Variants in SEPTIN11 observed in about 807,000 individuals in gnomAD.
SEPTIN11 encodes septin 11.
In SEPTIN11, 25 loss-of-function variants were observed where a neutral mutation model predicts 51.4. That is an observed-to-expected ratio of 0.49 (90% CI 0.35 to 0.68). The LOEUF (loss-of-function observed/expected upper bound fraction) is 0.68. Among genes scored for constraint, SEPTIN11 ranks in the 30% least tolerant of loss-of-function variants. The pLI is 0.00. For missense variants in SEPTIN11, 381 were observed against 520.8 expected, an observed-to-expected ratio of 0.73 and a Z score of 2.61; for synonymous variants, 174 against 184.1, an observed-to-expected ratio of 0.95 and a Z score of 0.44.
chr4:76,978,654 A>T (rs1012141023), intron 1 of SEPTIN11, among the ~76,000 whole-genome samples: 3 of 152,214 alleles, frequency 2.0e-5, no homozygotes, highest in Admixed American at 2.0e-4. Flanking sequence ...CACACCTCAG[A>T]GGCGATTGTG....
intron 1 of SEPTIN11, among the ~76,000 whole-genome samples, chr4:76,959,663 T>A (rs1015646638): frequency 6.6e-6 from 1 of 152,114 alleles, no homozygotes; most frequent in African/African-American, 2.4e-5. Context: ...ATACATGAAC[T>A]ATGAACTTAG....
rs182815089 is a variant in SEPTIN11 at position 77,003,175 on chromosome 4, A to G, written c.143-2426A>G. On this transcript the variant is annotated intron_variant, in intron 2 of 9. Transcript: ENST00000264893. The stretch of plus-strand genomic sequence containing the variant: ...ATCTCATTCAAATACCCAAAGAGAA[A>G]AACTGTGATTAGATAGACCACTCTC... Among the ~76,000 whole-genome samples, 1,075 of 152,292 alleles carry G rather than the reference A, an allele frequency of 7.1e-3. 16 individuals are homozygous for G. The highest frequency in any genetic ancestry group is 0.024 in the African/African-American group (994 of 41,550).
chr4:77,028,565 G>A lies in SEPTIN11; in HGVS notation c.954-64G>A, dbSNP rs189964477. The A allele has an allele frequency of 2.1e-3, 3,071 of 1,468,958 alleles. 50 individuals carry two copies. The African/African-American group carries it at 0.036, about 17-fold the overall frequency. The allele number at this position is 1,468,958 out of a possible 1,614,324, so 91.0% of individuals were successfully genotyped here. ...TTGAAAGTAGATAGGTAGAAATTAT[G>A]TGAACTGAAATTTCTTAGTATACAA... On this transcript the variant is annotated intron_variant, in intron 7 of 9. Coordinates refer to ENST00000264893, the MANE Select transcript of SEPTIN11 (RefSeq NM_018243.4).
intron 1 of SEPTIN11, among the ~76,000 whole-genome samples, chr4:76,954,191 C>T (rs571504261): frequency 1.3e-5 from 2 of 152,300 alleles, no homozygotes; most frequent in South Asian, 4.1e-4. Context: ...ATGATGATGT[C>T]ACACTGATCA....
At position 77,028,635 on chromosome 4, in the gene SEPTIN11, G is replaced by A. The variant is rs1380630799; in HGVS notation, c.960G>A (p.Gln320=). The change falls in exon 8 of 10, where the codon CAG becomes CAA. Residue 320 remains glutamine (Q), a synonymous_variant. Coordinates refer to ENST00000264893, the MANE Select transcript of SEPTIN11 (RefSeq NM_018243.4). ...TDPDSKPFSL[Q]ETYEAKRNEF... ...GTTTGTGGATTTTCAATAGTCTTCAGGAGACATATGAAGCAAAAAGGAATG... is the reference window on the plus strand; with the variant it reads ...GTTTGTGGATTTTCAATAGTCTTCAAGAGACATATGAAGCAAAAAGGAATG... The A allele has an allele frequency of 6.2e-7, 1 of 1,610,162 alleles. No individual in the cohort carries two copies. Among genetic ancestry groups the A allele is most frequent in the South Asian group, 1.1e-5 (1 of 90,072 alleles).
intron 1 of SEPTIN11, among the ~76,000 whole-genome samples, chr4:76,994,900 CTTTTTTTTTT>C (rs55728971): frequency 1.5e-4 from 8 of 54,856 alleles, no homozygotes; most frequent in Non-Finnish European, 2.3e-4. Context: ...CTGTACAAAG[CTTTTTTTTTT>C]TTTTTTTTTT....
intron 1 of SEPTIN11, among the ~76,000 whole-genome samples, chr4:76,957,406 CCGGTTCTAGAGTAT>C (rs1721609275): frequency 6.6e-6 from 1 of 151,990 alleles, no homozygotes; most frequent in African/African-American, 2.4e-5. Context: ...CCAGGTTGCT[CCGGTTCTAGAGTAT>C]CGGTTTTACC....
intron 1 of SEPTIN11, among the ~76,000 whole-genome samples, chr4:76,959,797 G>C (rs1239023795): frequency 6.6e-6 from 1 of 152,146 alleles, no homozygotes; most frequent in Non-Finnish European, 1.5e-5. Flanking sequence ...CAGTTTTAAG[G>C]ATGGGGATTA....
In SEPTIN11 at chr4:77,035,619, C is replaced by A; in HGVS notation, c.*1107C>A. The A allele has an allele frequency of 1.0e-6, 1 of 985,480 alleles. No individual in the cohort carries two copies. The highest frequency in any genetic ancestry group is 4.7e-5 in the South Asian group (1 of 21,280). The allele number at this position is 985,480 out of a possible 1,614,324, so 61.0% of individuals were successfully genotyped here. A position where few individuals can be genotyped will look rare whatever the true frequency, so the allele number is the denominator to read the frequency against. ...TTCATATCCAGCTTCCTTGCTTAGT[C>A]TCCTTTCAGTATTTGGCAATAAAAG... On this transcript the variant is annotated 3_prime_UTR_variant, in exon 10 of 10. Transcript: ENST00000264893.
intron 2 of SEPTIN11, among the ~76,000 whole-genome samples, chr4:77,002,897 CTG>C (rs1441449283): frequency 1.3e-5 from 2 of 152,118 alleles, no homozygotes; most frequent in Non-Finnish European, 2.9e-5. Flanking sequence ...GTGTCAGTGT[CTG>C]TTTTTATTCA....
chr4:77,016,599 C>CATATATATATATACACACAT (rs1560735975), intron 5 of SEPTIN11, among the ~76,000 whole-genome samples: 1 of 62,454 alleles, frequency 1.6e-5, no homozygotes, highest in Non-Finnish European at 3.4e-5. Context: ...TATACACACA[C>CATATATATATATACACACAT]ATATATATAT....
At chr4:77,017,427 G>A (rs562879268) in intron 5 of SEPTIN11, among the ~76,000 whole-genome samples, 5 of 152,308 alleles carry the variant, frequency 3.3e-5, no homozygotes, top group Admixed American at 2.0e-4. Context: ...TTACATTTGA[G>A]TGGAGAAATT....
chr4:77,028,864 T>G (rs948442787), intron 8 of SEPTIN11, 103 bp downstream of exon 8: 38 of 1,282,282 alleles, frequency 3.0e-5, no homozygotes, highest in Middle Eastern at 2.0e-4. Context: ...ACTTTCTACA[T>G]GCATTTTGTC....
downstream of SEPTIN11, chr4:77,039,302 C>T (rs1727237991): frequency 2.7e-6 from 3 of 1,095,460 alleles, no homozygotes; most frequent in Middle Eastern, 4.3e-4. Context: ...CAAAAATAGT[C>T]ATATTCAATA....
rs1449148217 is a variant in SEPTIN11 at position 77,036,107 on chromosome 4, A to T, written c.*1595A>T. The T allele has an allele frequency of 1.2e-5, 12 of 985,756 alleles. No individual in the cohort carries two copies. The highest frequency in any genetic ancestry group is 1.2e-5 in the Non-Finnish European group (10 of 830,006). 61.1% of individuals were successfully genotyped at this position (985,756 alleles called of 1,614,324 possible). The stretch of plus-strand genomic sequence containing the variant: ...CTTTGTCCTCAACCATACTTAGAGG[A>T]AAGAAGGAATGGTCTTCCATGAACT... On this transcript the variant is annotated 3_prime_UTR_variant, in exon 10 of 10. Transcript: ENST00000264893.
chr4:76,992,972 A>G (rs1723464661), intron 1 of SEPTIN11, among the ~76,000 whole-genome samples: 1 of 152,166 alleles, frequency 6.6e-6, no homozygotes, highest in African/African-American at 2.4e-5. Context: ...AGGTTAGCCC[A>G]TGGGGCCCTG....
intron 2 of SEPTIN11, among the ~76,000 whole-genome samples, chr4:77,000,473 A>G (rs1436541592): frequency 7.2e-5 from 11 of 152,256 alleles, no homozygotes; most frequent in Non-Finnish European, 1.5e-4. Flanking sequence ...GCCTATAGCA[A>G]TTAATTGATG....
At chr4:76,961,534 A>G (rs1216439620) in intron 1 of SEPTIN11, among the ~76,000 whole-genome samples, 1 of 152,084 alleles carries the variant, frequency 6.6e-6, no homozygotes, top group East Asian at 1.9e-4. Context: ...TAAGTTTAAA[A>G]CGCATTTAAT....
intron 7 of SEPTIN11, among the ~76,000 whole-genome samples, chr4:77,022,423 TAAAAAAA>T (rs1291660536): frequency 6.6e-6 from 1 of 151,800 alleles, no homozygotes; most frequent in Non-Finnish European, 1.5e-5. Flanking sequence ...TTAGATCCAG[TAAAAAAA>T]AATTTTTTTC....
Sources: gnomAD v4.1 joint callset for allele counts (sites outside exome capture counted in the v4.1 genomes callset) on GRCh38, gnomAD v4.1.1 for gene constraint, MANE v1.5 for transcripts, NCBI Gene and HGNC (gene_info 2026-07-23, HGNC 2026-07-21) for gene names.